Variants in GAB2 observed in about 807,000 individuals in gnomAD.
GAB2 encodes GRB2 associated binding protein 2.
A neutral mutation model predicts 65.5 loss-of-function variants in GAB2; 26 were observed. The ratio of observed to expected loss-of-function variants is 0.40; its 90% CI spans 0.29 to 0.55. The LOEUF is 0.55. Among genes scored for constraint, GAB2 ranks in the 20% least tolerant of loss-of-function variants. GAB2 has a pLI of 0.53. For synonymous variants in GAB2, 321 were observed against 329.6 expected (o/e 0.97, Z 0.28); for missense variants, 884 against 875.8 (o/e 1.01, Z -0.12).
At position 78,350,550 on chromosome 11, in the gene GAB2, C is replaced by T. The variant is rs140432909; in HGVS notation, c.75+67096G>A. 1.1e-4 allele frequency among the ~76,000 whole-genome samples: 16 copies of T among 152,242 alleles called. No homozygotes were observed. In the East Asian group the frequency reaches 1.9e-3, roughly 18 times the overall value. ...TTCTGAAATCTGTTATAAAGCCAGG[C>T]GACTTTTCATTGTTACACTATAAAT... On this transcript the variant is annotated intron_variant, in intron 1 of 9. Transcript: ENST00000361507.
At chr11:78,240,111 G>A (rs1185308390) in intron 3 of GAB2, among the ~76,000 whole-genome samples, 1 of 152,098 alleles carries the variant, frequency 6.6e-6, no homozygotes, top group Non-Finnish European at 1.5e-5. Context: ...AAGGAAAACA[G>A]TATCTTGGCT....
intron 1 of GAB2, among the ~76,000 whole-genome samples, chr11:78,283,595 C>T (rs1026408782): frequency 1.3e-5 from 2 of 152,162 alleles, no homozygotes; most frequent in Non-Finnish European, 2.9e-5. Context: ...CCCCCATCCC[C>T]CCACCACCCC....
At chr11:78,337,854 G>C (rs1215410165) in intron 1 of GAB2, among the ~76,000 whole-genome samples, 2 of 152,150 alleles carry the variant, frequency 1.3e-5, no homozygotes, top group Non-Finnish European at 2.9e-5. Context: ...GTAATATTAG[G>C]AGTTTAGAGG....
At chr11:78,254,170 A>C (rs2134531316) in intron 2 of GAB2, among the ~76,000 whole-genome samples, 1 of 152,302 alleles carries the variant, frequency 6.6e-6, no homozygotes, top group Non-Finnish European at 1.5e-5. Flanking sequence ...GGATGAAAAG[A>C]ATGAAATACA....
chr11:78,405,833 C>T (rs1363268767), intron 1 of GAB2, among the ~76,000 whole-genome samples: 1 of 152,132 alleles, frequency 6.6e-6, no homozygotes, highest in Middle Eastern at 3.2e-3. Flanking sequence ...AAACACCAAC[C>T]TGTGTAGACC....
intron 1 of GAB2, among the ~76,000 whole-genome samples, chr11:78,343,054 C>T (rs188015983): frequency 6.6e-6 from 1 of 152,262 alleles, no homozygotes; most frequent in African/African-American, 2.4e-5. Flanking sequence ...CCTTGAGTAA[C>T]TGCTCCCACC....
intron 2 of GAB2, among the ~76,000 whole-genome samples, chr11:78,277,707 G>C (rs554230230): frequency 4.4e-4 from 67 of 152,352 alleles, no homozygotes; most frequent in African/African-American, 1.4e-3. Flanking sequence ...TGCACATGCA[G>C]ATAGCCCTCT....
chr11:78,226,458 TACTG>T lies in GAB2; in HGVS notation c.1207+3_1207+6del. 6.2e-7 allele frequency: 1 copy of T among 1,607,404 alleles called. No individual in the cohort carries two copies. Among genetic ancestry groups the T allele is most frequent in the Non-Finnish European group, 8.5e-7 (1 of 1,173,832 alleles). On this transcript the variant is annotated splice_donor_5th_base_variant and intron_variant, in intron 4 of 9. Coordinates refer to ENST00000361507, the MANE Select transcript of GAB2 (RefSeq NM_080491.3). ...CCCTCTGAGTCTCAGCTAGGACTTA[TACTG>T]ACCTCGGTGAAGTCGGCTGTTGTCC...
At chr11:78,307,843 C>A (rs1855402841) in intron 1 of GAB2, among the ~76,000 whole-genome samples, 1 of 152,058 alleles carries the variant, frequency 6.6e-6, no homozygotes, top group African/African-American at 2.4e-5. Flanking sequence ...AAGTGATACC[C>A]AGATAGCTGG....
chr11:78,376,354 T>C (rs1270364678), intron 1 of GAB2, among the ~76,000 whole-genome samples: 4 of 152,232 alleles, frequency 2.6e-5, no homozygotes, highest in Non-Finnish European at 5.9e-5. Context: ...ACTTGCTGTG[T>C]ACCAGATACT....
At chr11:78,349,359 G>C (rs993296768) in intron 1 of GAB2, among the ~76,000 whole-genome samples, 2 of 152,146 alleles carry the variant, frequency 1.3e-5, no homozygotes, top group Admixed American at 1.3e-4. Flanking sequence ...GAGGTGTCTG[G>C]TACTAAGTTA....
In GAB2 at chr11:78,281,057, G is replaced by C. The variant is rs555430060; in HGVS notation, c.76-156C>G. ...CAATCTTGAACTCCTGGGCTCAAGC[G>C]ATCCTCCCACCTCAGCCTCCTGGGT... On this transcript the variant is annotated intron_variant, in intron 1 of 9. Coordinates refer to ENST00000361507, the MANE Select transcript of GAB2 (RefSeq NM_080491.3). Among the ~76,000 whole-genome samples the C allele has an allele frequency of 4.5e-4, 69 of 152,020 alleles. 1 individual carries two copies. Among genetic ancestry groups the C allele is most frequent in the Non-Finnish European group, 2.1e-4 (14 of 68,026 alleles).
chr11:78,307,992 A>G (rs576865544), intron 1 of GAB2, among the ~76,000 whole-genome samples: 2 of 152,304 alleles, frequency 1.3e-5, no homozygotes, highest in South Asian at 4.1e-4. Flanking sequence ...CTGGAAGAAC[A>G]AAAAGGCAGA....
chr11:78,227,092 T>G (rs376216009), intron 3 of GAB2, 41 bp from the exon 4 acceptor site: 95 of 1,347,270 alleles, frequency 7.1e-5, no homozygotes, highest in Admixed American at 3.8e-4. Context: ...GGTGAGACAA[T>G]TACTAGCTGT....
chr11:78,342,700 G>C (rs1856119352), intron 1 of GAB2, among the ~76,000 whole-genome samples: 1 of 152,148 alleles, frequency 6.6e-6, no homozygotes, highest in Admixed American at 6.5e-5. Context: ...GAACCACCGC[G>C]CCTGGCCTGC....
intron 1 of GAB2, among the ~76,000 whole-genome samples, chr11:78,308,536 T>A (rs10793300): frequency 0.16 from 23,855 of 152,026 alleles, 2,427 homozygotes; most frequent in East Asian, 0.4. Flanking sequence ...AGAAACAGGA[T>A]CAGATCAAGA....
At position 78,326,081 on chromosome 11, in the gene GAB2, T is replaced by C. The variant is rs115168737; in HGVS notation, c.76-45180A>G. Among the ~76,000 whole-genome samples the C allele has an allele frequency of 8.7e-3, 1,328 of 152,344 alleles. 20 individuals are homozygous for C. Among genetic ancestry groups the C allele is most frequent in the African/African-American group, 0.03 (1,262 of 41,586 alleles). On this transcript the variant is annotated intron_variant, in intron 1 of 9. Transcript: ENST00000361507. ...TTTTATGGATATGAGAGTGAATATATACAATGTCTTCCCCCTTTTAATACA... is the reference window on the plus strand; with the variant it reads ...TTTTATGGATATGAGAGTGAATATACACAATGTCTTCCCCCTTTTAATACA...
chr11:78,233,183 G>A (rs556688802), intron 3 of GAB2, among the ~76,000 whole-genome samples: 4 of 152,120 alleles, frequency 2.6e-5, no homozygotes, highest in Admixed American at 2.0e-4. Context: ...GGGGCTACAG[G>A]CATGTGCCAC....
chr11:78,220,915 C>T (rs911970513), intron 8 of GAB2, among the ~76,000 whole-genome samples: 3 of 152,174 alleles, frequency 2.0e-5, no homozygotes, highest in Non-Finnish European at 4.4e-5. Flanking sequence ...CCAAATCAGC[C>T]CCTGTGAAAC....
Sources: gnomAD v4.1 joint callset for allele counts (sites outside exome capture counted in the v4.1 genomes callset) on GRCh38, gnomAD v4.1.1 for gene constraint, MANE v1.5 for transcripts, NCBI Gene and HGNC (gene_info 2026-07-23, HGNC 2026-07-21) for gene names.